The following NKAIN3 variants were observed in gnomAD, a reference collection of about 807,000 sequenced individuals.
The protein encoded by NKAIN3 is sodium/potassium transporting ATPase interacting 3.
In NKAIN3, 25 loss-of-function variants were observed where a neutral mutation model predicts 30.2. The ratio of observed to expected loss-of-function variants is 0.83; its 90% CI spans 0.60 to 1.16. The LOEUF is 1.16. Among genes scored for constraint, NKAIN3 ranks in the 50% most tolerant of loss-of-function variants. The probability of loss-of-function intolerance (pLI) is 0.00; values close to 1 mark genes in which losing one functional copy is unlikely to be tolerated. For synonymous variants in NKAIN3, 91 were observed against 89.6 expected, an observed-to-expected ratio of 1.02 and a Z score of -0.09; for missense variants, 225 against 254.1, an observed-to-expected ratio of 0.89 and a Z score of 0.78.
chr8:62,674,372 A>G (rs528060090), intron 3 of NKAIN3, among the ~76,000 whole-genome samples: 36 of 152,234 alleles, frequency 2.4e-4, no homozygotes, highest in African/African-American at 7.5e-4. Flanking sequence ...TACCTTCTTT[A>G]TAAGATCAAT....
chr8:62,861,046 C>T (rs1458757147), intron 4 of NKAIN3, among the ~76,000 whole-genome samples: 1 of 152,182 alleles, frequency 6.6e-6, no homozygotes, highest in East Asian at 1.9e-4. Flanking sequence ...GGCTGCCTAG[C>T]TAGATATTTG....
In NKAIN3 at chr8:62,661,343, T is replaced by TCTCACAG. The variant is rs562444320; in HGVS notation, c.273+71559_273+71565dup. 2.9e-3 allele frequency among the ~76,000 whole-genome samples: 445 copies of TCTCACAG among 152,304 alleles called. 1 individual carries two copies. Among genetic ancestry groups the TCTCACAG allele is most frequent in the African/African-American group, 0.01 (423 of 41,564 alleles). ...GCTTGTTTCCTCCTGAAACTTCTCT[T>TCTCACAG]CTCACAGCTCACAGCTTCTTGACTT... On this transcript the variant is annotated intron_variant, in intron 3 of 6. Transcript: ENST00000623646.
At chr8:62,524,085 A>T (rs1477612504) in intron 1 of NKAIN3, among the ~76,000 whole-genome samples, 4 of 152,058 alleles carry the variant, frequency 2.6e-5, no homozygotes, top group Non-Finnish European at 5.9e-5. Context: ...TATAATGTAG[A>T]GCTGAAGACA....
intron 3 of NKAIN3, among the ~76,000 whole-genome samples, chr8:62,702,134 C>A (rs1023054948): frequency 1.3e-5 from 2 of 152,140 alleles, no homozygotes; most frequent in Non-Finnish European, 2.9e-5. Context: ...GACCTGCAAC[C>A]AAAGGATGCT....
At chr8:62,798,387 C>T (rs1391647085) in intron 4 of NKAIN3, among the ~76,000 whole-genome samples, 2 of 151,960 alleles carry the variant, frequency 1.3e-5, no homozygotes, top group Admixed American at 6.6e-5. Flanking sequence ...CTGGCTAACA[C>T]GGTGAAACCC....
chr8:62,251,703 A>G (rs1215016762), intron 1 of NKAIN3, among the ~76,000 whole-genome samples: 1 of 152,192 alleles, frequency 6.6e-6, no homozygotes, highest in African/African-American at 2.4e-5. Context: ...ATTATTTAAA[A>G]TATTTCTCCA....
At position 62,992,467 on chromosome 8, in the gene NKAIN3, C is replaced by A. The variant is rs563897789; in HGVS notation, c.533-6764C>A. Among the ~76,000 whole-genome samples the A allele has an allele frequency of 1.0e-3, 156 of 152,170 alleles. 1 individual carries two copies. Among genetic ancestry groups the A allele is most frequent in the Non-Finnish European group, 1.9e-3 (132 of 68,034 alleles). On this transcript the variant is annotated intron_variant, in intron 5 of 5. Transcript: ENST00000519049. Reference sequence around the variant, plus strand: ...AGTGAAACTTCCCAGGGCCTGAGTTCTCTTGCCTTTATATAAAGAGAGGCT... The same window carrying A: ...AGTGAAACTTCCCAGGGCCTGAGTTATCTTGCCTTTATATAAAGAGAGGCT...
At chr8:62,410,761 A>G (rs886488621) in intron 1 of NKAIN3, among the ~76,000 whole-genome samples, 2 of 152,206 alleles carry the variant, frequency 1.3e-5, no homozygotes, top group Admixed American at 1.3e-4. Context: ...TACAAGATCT[A>G]GAGAAAATGA....
At chr8:62,729,040 C>CAAAAAAACAAAAAAAA (rs1815374445) in intron 3 of NKAIN3, among the ~76,000 whole-genome samples, 1 of 61,202 alleles carries the variant, frequency 1.6e-5, no homozygotes, top group Non-Finnish European at 3.0e-5. Flanking sequence ...AAAAAAAAAA[C>CAAAAAAACAAAAAAAA]AAAAAAAAAA....
chr8:62,930,009 T>C (rs937984827), intron 5 of NKAIN3, among the ~76,000 whole-genome samples: 1 of 152,204 alleles, frequency 6.6e-6, no homozygotes, highest in African/African-American at 2.4e-5. Context: ...ATCTAGCAAG[T>C]GTTAAGAGTC....
intron 4 of NKAIN3, among the ~76,000 whole-genome samples, chr8:62,799,248 T>C (rs527332442): frequency 6.6e-6 from 1 of 152,154 alleles, no homozygotes; most frequent in East Asian, 1.9e-4. Flanking sequence ...ATCAGCAGAG[T>C]TAACAGACAA....
At chr8:62,782,581 C>T (rs559805984) in intron 4 of NKAIN3, among the ~76,000 whole-genome samples, 3 of 151,576 alleles carry the variant, frequency 2.0e-5, no homozygotes, top group African/African-American at 7.3e-5. Context: ...AATGGGAATA[C>T]TATCTGGTCA....
chr8:62,565,944 C>T (rs1809735054), intron 1 of NKAIN3, among the ~76,000 whole-genome samples: 1 of 152,024 alleles, frequency 6.6e-6, no homozygotes, highest in African/African-American at 2.4e-5. Context: ...AAATGAAAAA[C>T]ATAATGGTTG....
chr8:62,561,802 GTCTT>G (rs996679802), intron 1 of NKAIN3, among the ~76,000 whole-genome samples: 9 of 152,086 alleles, frequency 5.9e-5, no homozygotes, highest in African/African-American at 1.9e-4. Context: ...AAAAACATGA[GTCTT>G]TATTTTACTT....
chr8:62,736,728 A>G (rs74373950), intron 3 of NKAIN3, among the ~76,000 whole-genome samples: 4,520 of 152,220 alleles, frequency 0.03, 238 homozygotes, highest in African/African-American at 0.1. Context: ...GTCCAGGAAA[A>G]CTTCGCATTC....
intron 4 of NKAIN3, among the ~76,000 whole-genome samples, chr8:62,794,289 A>G (rs1010598263): frequency 1.3e-5 from 2 of 152,196 alleles, no homozygotes; most frequent in Admixed American, 6.5e-5. Flanking sequence ...TCCAATAAAT[A>G]TCAAATAAAT....
intron 4 of NKAIN3, among the ~76,000 whole-genome samples, chr8:62,819,500 T>G (rs943825044): frequency 1.6e-4 from 25 of 152,080 alleles, no homozygotes; most frequent in Non-Finnish European, 3.5e-4. Flanking sequence ...GCGCCTAATC[T>G]TCATTTTAAT....
rs200024993 is a variant in NKAIN3 at position 62,499,611 on chromosome 8, A to T, written c.55-79928A>T. On this transcript the variant is annotated intron_variant, in intron 1 of 6. Coordinates refer to ENST00000623646, the MANE Select transcript of NKAIN3 (RefSeq NM_001304533.3). ...ATAAAGAGGCAAAGGAAACAGCATC[A>T]TATCTCCTAAGGGTTGAAAGTCATT... is the stretch of plus-strand genomic sequence containing the variant. Among the ~76,000 whole-genome samples, 22 of 152,314 alleles carry T rather than the reference A, an allele frequency of 1.4e-4. No individual in the cohort carries two copies. In the South Asian group the frequency reaches 4.3e-3, roughly 30 times the overall value.
At chr8:62,466,475 G>A (rs1007648796) in intron 1 of NKAIN3, among the ~76,000 whole-genome samples, 3 of 152,156 alleles carry the variant, frequency 2.0e-5, no homozygotes, top group East Asian at 1.9e-4. Flanking sequence ...CTGTGCAAAT[G>A]AGCCATATGC....
Sources: allele counts gnomAD v4.1 joint callset (sites outside exome capture counted in the v4.1 genomes callset), GRCh38; gene constraint gnomAD v4.1.1; transcripts MANE v1.5; gene names NCBI Gene and HGNC (gene_info 2026-07-23, HGNC 2026-07-21).